Variants in CD72 observed in about 807,000 individuals in gnomAD.
CD72 encodes the protein CD72 molecule, also known as B-cell differentiation antigen CD72.
CD72 carries 28 observed loss-of-function variants against 50.7 expected under a neutral mutation model. The observed-to-expected ratio is 0.55, with a 90% CI of 0.41 to 0.76. CD72 has a LOEUF of 0.76. Ranked by LOEUF, CD72 falls within the 30% of genes least tolerant of loss-of-function variation. CD72 has a pLI of 0.00. For missense variants in CD72, 403 were observed against 420.6 expected, an observed-to-expected ratio of 0.96 and a Z score of 0.37; for synonymous variants, 176 against 171.2, an observed-to-expected ratio of 1.03 and a Z score of -0.22.
At position 35,611,911 on chromosome 9, in the gene CD72, G is replaced by C. The variant is rs755112189; in HGVS notation, c.843C>G (p.Tyr281Ter). ...TTGGCAACAGTGAATTTAAGAAGTA[G>C]TAAGAGTGCTGAGGGGAGATTCAGA... The part of the protein sequence containing the change: ...FSEIYPQSHS[Y>*]YFLNSLLPNG... The change falls in exon 7 of 9, where the codon TAC becomes TAG. Residue 281 changes from tyrosine to a stop codon, truncating the protein, a stop_gained. Coordinates refer to ENST00000259633, the MANE Select transcript of CD72 (RefSeq NM_001782.3). LOFTEE classifies it high-confidence loss of function. The C allele has an allele frequency of 1.3e-6, 2 of 1,551,428 alleles. No individual in the cohort carries two copies.
intron 5 of CD72, among the ~76,000 whole-genome samples, chr9:35,614,202 T>C (rs2131760024): frequency 6.6e-6 from 1 of 152,260 alleles, no homozygotes; most frequent in South Asian, 2.1e-4. Context: ...ATATCCCAAG[T>C]GCCTGGGCAC....
intron 1 of CD72, among the ~76,000 whole-genome samples, chr9:35,632,835 A>T (rs994978158): frequency 2.0e-5 from 3 of 147,864 alleles, no homozygotes; most frequent in Non-Finnish European, 3.0e-5. Flanking sequence ...GCCTCAGCCT[A>T]CCAAAGTGCT....
chr9:35,634,028 C>T (rs1358099261), intron 1 of CD72, among the ~76,000 whole-genome samples: 3 of 152,124 alleles, frequency 2.0e-5, no homozygotes, highest in African/African-American at 7.2e-5. Context: ...CAAAATCTGA[C>T]AGTCTTTTAA....
At chr9:35,633,075 C>T (rs1413239368) in intron 1 of CD72, among the ~76,000 whole-genome samples, 6 of 151,130 alleles carry the variant, frequency 4.0e-5, no homozygotes, top group South Asian at 2.1e-4. Flanking sequence ...GGACTACAGG[C>T]GTACACCACC....
chr9:35,639,320 G>A (rs1823319045), intron 1 of CD72, among the ~76,000 whole-genome samples: 1 of 152,160 alleles, frequency 6.6e-6, no homozygotes, highest in Non-Finnish European at 1.5e-5. Context: ...AGTCATGCTA[G>A]GGAAATGAGC....
intron 1 of CD72, among the ~76,000 whole-genome samples, chr9:35,634,293 C>T (rs2131785455): frequency 6.6e-6 from 1 of 152,290 alleles, no homozygotes; most frequent in Non-Finnish European, 1.5e-5. Context: ...ATGAAAACAA[C>T]AGCTACTATT....
In CD72 at chr9:35,615,955, A is replaced by G. The variant is rs775504891; in HGVS notation, c.676T>C (p.Cys226Arg). 6.2e-7 allele frequency: 1 copy of G among 1,613,050 alleles called. No individual in the cohort carries two copies. The change falls in exon 5 of 9, where the codon TGC becomes CGC. Residue 226 changes from cysteine to arginine, a missense_variant. Transcript: ENST00000259633. ...MENRLKPFFT[C>R]GSADTCCPSG... ...CCAGAGCGGATACCTGCTGAGCCGC[A>G]TGTGAAGAAGGGCTTCAGTCTGTTC...
chr9:35,631,783 G>A (rs377055831), intron 1 of CD72, among the ~76,000 whole-genome samples: 1 of 152,084 alleles, frequency 6.6e-6, no homozygotes, highest in Non-Finnish European at 1.5e-5. Flanking sequence ...CCAGCTACTC[G>A]GGAGGCTGAG....
intron 1 of CD72, among the ~76,000 whole-genome samples, chr9:35,634,938 G>A (rs560164989): frequency 6.6e-6 from 1 of 152,258 alleles, no homozygotes; most frequent in Admixed American, 6.5e-5. Context: ...CTTGAAGTCT[G>A]TGTTAGGATT....
At chr9:35,638,131 C>T (rs766288945) in intron 1 of CD72, among the ~76,000 whole-genome samples, 11 of 152,140 alleles carry the variant, frequency 7.2e-5, no homozygotes, top group Non-Finnish European at 1.3e-4. Flanking sequence ...GGCAAATGGT[C>T]GGAGGTGCCG....
upstream of CD72, among the ~76,000 whole-genome samples, chr9:35,623,469 T>G (rs755934032): frequency 1.1e-4 from 16 of 152,190 alleles, no homozygotes; most frequent in Non-Finnish European, 2.2e-4. Flanking sequence ...TAGCCCTTTT[T>G]TTTTGTTTTG....
intron 1 of CD72, among the ~76,000 whole-genome samples, chr9:35,640,074 A>G (rs1823325105): frequency 1.3e-5 from 2 of 152,212 alleles, no homozygotes; most frequent in African/African-American, 4.8e-5. Flanking sequence ...AATTATTGCT[A>G]TTTACTAAAA....
At chr9:35,623,731 A>C (rs932069248), upstream of CD72, among the ~76,000 whole-genome samples, 1 of 152,152 alleles carries the variant, frequency 6.6e-6, no homozygotes, top group African/African-American at 2.4e-5. Context: ...AGCCTGGCCA[A>C]CATGGCGAAA....
chr9:35,621,967 G>C (rs980846547), upstream of CD72, among the ~76,000 whole-genome samples: 1 of 152,180 alleles, frequency 6.6e-6, no homozygotes, highest in African/African-American at 2.4e-5. Flanking sequence ...CAATAAATTT[G>C]TATTGTTTAA....
Position 35,611,351 on chromosome 9 carries a change from G to T in CD72, c.950+453C>A, listed in dbSNP as rs370602702. ...TGATCCTCAATGGTACCCCACTGCT[G>T]TCTTGATCACAGTGAAGTGGAGCTT... On this transcript the variant is annotated intron_variant, in intron 7 of 8. Coordinates refer to ENST00000259633, the MANE Select transcript of CD72 (RefSeq NM_001782.3). 3.3e-5 allele frequency among the ~76,000 whole-genome samples: 5 copies of T among 152,250 alleles called. No homozygotes were observed. The South Asian group carries it at 1.0e-3, about 32-fold the overall frequency.
upstream of CD72, among the ~76,000 whole-genome samples, chr9:35,623,790 C>T (rs1009638776): frequency 4.6e-5 from 7 of 152,176 alleles, no homozygotes; most frequent in Non-Finnish European, 8.8e-5. Flanking sequence ...GTGGTACATG[C>T]GTAATCCCAG....
At chr9:35,617,304 T>C in intron 2 of CD72, 57 bp from the exon 3 acceptor site, 2 of 1,493,858 alleles carry the variant, frequency 1.3e-6, no homozygotes, top group South Asian at 2.7e-5. Context: ...CCCCTTCTCC[T>C]CCTGCGCACC....
At chr9:35,643,517 A>G (rs1823358222) in intron 1 of CD72, 1 of 152,236 alleles carries the variant, frequency 6.6e-6, no homozygotes, top group Non-Finnish European at 1.5e-5. Context: ...CGCTTCACTT[A>G]AAGACTTGAT....
chr9:35,622,306 G>C (rs960621780), upstream of CD72, among the ~76,000 whole-genome samples: 7 of 152,290 alleles, frequency 4.6e-5, no homozygotes, highest in Non-Finnish European at 8.8e-5. Context: ...TGAAGCCAAA[G>C]AGTACAGATA....
Sources: gnomAD v4.1 joint callset for allele counts (sites outside exome capture counted in the v4.1 genomes callset) on GRCh38, gnomAD v4.1.1 for gene constraint, MANE v1.5 for transcripts, NCBI Gene and HGNC (gene_info 2026-07-23, HGNC 2026-07-21) for gene names.